WDR64: variants seen among roughly 807,000 people sequenced by gnomAD.
WDR64 encodes WD repeat domain 64.
Under a neutral mutation model 139.3 loss-of-function variants are expected in WDR64, and 112 were observed. The observed-to-expected ratio is 0.80, with a 90% CI of 0.69 to 0.94. The LOEUF is 0.94. Ranked by LOEUF, WDR64 falls within the 40% of genes least tolerant of loss-of-function variation. The pLI is 0.00. For synonymous variants in WDR64, 444 were observed against 437.7 expected, an observed-to-expected ratio of 1.01 and a Z score of -0.18; for missense variants, 1,206 against 1,293.1, an observed-to-expected ratio of 0.93 and a Z score of 1.03.
intron 9 of WDR64, among the ~76,000 whole-genome samples, chr1:241,722,811 G>A (rs946197331): frequency 2.6e-5 from 4 of 152,052 alleles, no homozygotes; most frequent in African/African-American, 7.2e-5. Context: ...AATTATATAT[G>A]CCTATGAATA....
Position 241,674,256 on chromosome 1 carries a change from C to CTTTTTTTTTTTTTT in WDR64, c.380-384_380-383insTTTTTTTTTTTTTT, listed in dbSNP as rs544401027. On this transcript the variant is annotated intron_variant, in intron 3 of 27. Coordinates refer to ENST00000437684, the MANE Select transcript of WDR64 (RefSeq NM_001367482.1). ...AAGCTGGCTGTTTATCTTTTTTTTT[C>CTTTTTTTTTTTTTT]TTTTCTTTTTTTTTTTTTTTGAGAC... Among the ~76,000 whole-genome samples, 32 of 121,340 alleles carry CTTTTTTTTTTTTTT rather than the reference C, an allele frequency of 2.6e-4. 4 individuals carry two copies. Among genetic ancestry groups the CTTTTTTTTTTTTTT allele is most frequent in the Non-Finnish European group, 2.7e-4 (16 of 58,908 alleles). The allele number at this position is 121,340 out of a possible 152,430, so 79.6% of individuals were successfully genotyped here.
chr1:241,724,876 G>A (rs74656568), intron 10 of WDR64, among the ~76,000 whole-genome samples: 9,763 of 152,022 alleles, frequency 0.064, 1,059 homozygotes, highest in African/African-American at 0.23. Flanking sequence ...ACCCTATAAA[G>A]TAATTCTCCC....
chr1:241,732,888 T>C (rs1442832462), intron 10 of WDR64, among the ~76,000 whole-genome samples: 1 of 151,662 alleles, frequency 6.6e-6, no homozygotes, highest in African/African-American at 2.4e-5. Context: ...ATTTGGACAA[T>C]AATAATTGGC....
At chr1:241,757,083 A>G (rs1558509990) in intron 14 of WDR64, among the ~76,000 whole-genome samples, 200 bp from the exon 15 acceptor site, 1 of 152,200 alleles carries the variant, frequency 6.6e-6, no homozygotes, top group African/African-American at 2.4e-5. Flanking sequence ...TTCATGACTA[A>G]CATCATATTC....
chr1:241,771,716 C>G lies in WDR64; in HGVS notation c.2290+19C>G. The G allele has an allele frequency of 3.5e-6, 5 of 1,432,012 alleles. No homozygotes were observed. The highest frequency in any genetic ancestry group is 1.5e-5 in the African/African-American group (1 of 68,900). 88.7% of individuals were successfully genotyped at this position (1,432,012 alleles called of 1,614,324 possible). ...GTTAAAGGTCAGTATGAAATCACCT[C>G]TCTTCTTTATAATAAAGCAACTCCT... is the stretch of plus-strand genomic sequence containing the variant. On this transcript the variant is annotated intron_variant, in intron 19 of 27. Transcript: ENST00000437684.
chr1:241,690,287 A>G (rs1167592457), intron 8 of WDR64, among the ~76,000 whole-genome samples: 1 of 152,132 alleles, frequency 6.6e-6, no homozygotes, highest in Non-Finnish European at 1.5e-5. Flanking sequence ...CCTGACCAAC[A>G]TGGTAAAACC....
rs1463596365 is a variant in WDR64 at position 241,710,447 on chromosome 1, A to G, written c.975-1355A>G. On this transcript the variant is annotated intron_variant, in intron 8 of 27. Transcript: ENST00000437684. ...TACCATTCACAGATACTAACACCCG[A>G]AACATACATATGAATATATGGTAGA... Among the ~76,000 whole-genome samples, 5 of 151,948 alleles carry G rather than the reference A, an allele frequency of 3.3e-5. No homozygotes were observed. The East Asian group carries it at 9.6e-4, about 29-fold the overall frequency.
At chr1:241,710,446 G>A (rs1668115018) in intron 8 of WDR64, among the ~76,000 whole-genome samples, 3 of 128,604 alleles carry the variant, frequency 2.3e-5, no homozygotes, top group African/African-American at 8.9e-5. Flanking sequence ...ACTAACACCC[G>A]AAACATACAT....
At chr1:241,683,769 T>C in intron 7 of WDR64, 68 bp downstream of exon 7, 1 of 1,242,788 alleles carries the variant, frequency 8.0e-7, no homozygotes, top group Admixed American at 2.9e-5. Flanking sequence ...AGCTTTATGG[T>C]ACAAAGTGAA....
intron 27 of WDR64, among the ~76,000 whole-genome samples, chr1:241,798,263 G>T (rs1659425043): frequency 6.6e-6 from 1 of 152,132 alleles, no homozygotes; most frequent in South Asian, 2.1e-4. Flanking sequence ...GTCTTCATTT[G>T]TTTATAGAAA....
intron 9 of WDR64, among the ~76,000 whole-genome samples, chr1:241,715,160 T>C (rs1574035614): frequency 6.6e-6 from 1 of 152,130 alleles, no homozygotes; most frequent in African/African-American, 2.4e-5. Context: ...ATGGCTTGGG[T>C]AGGGAGCAAG....
At chr1:241,722,041 GT>G (rs1668631957) in intron 9 of WDR64, among the ~76,000 whole-genome samples, 2 of 151,982 alleles carry the variant, frequency 1.3e-5, no homozygotes, top group African/African-American at 4.8e-5. Flanking sequence ...GTGTGTGTGT[GT>G]GTACATATGA....
At chr1:241,691,224 G>A (rs1200041630) in intron 8 of WDR64, among the ~76,000 whole-genome samples, 1 of 151,912 alleles carries the variant, frequency 6.6e-6, no homozygotes, top group Non-Finnish European at 1.5e-5. Flanking sequence ...AACACAAAAG[G>A]CAGAAAAAGA....
chr1:241,694,453 T>C (rs917101099), intron 8 of WDR64, among the ~76,000 whole-genome samples: 1 of 152,198 alleles, frequency 6.6e-6, no homozygotes, highest in African/African-American at 2.4e-5. Flanking sequence ...TTATATGGCA[T>C]AATTAATTGC....
chr1:241,779,230 G>A (rs567521392), intron 21 of WDR64, among the ~76,000 whole-genome samples: 8 of 152,084 alleles, frequency 5.3e-5, no homozygotes, highest in African/African-American at 1.7e-4. Flanking sequence ...GAAGTTTGAT[G>A]TCATTCTTAT....
At chr1:241,773,027 TATA>T in intron 20 of WDR64, 96 bp downstream of exon 20, 3 of 1,344,968 alleles carry the variant, frequency 2.2e-6, no homozygotes, top group Non-Finnish European at 2.9e-6. Context: ...GGCATCCAAT[TATA>T]ATATTTTTTC....
chr1:241,752,742 T>C (rs1268547971), intron 14 of WDR64, among the ~76,000 whole-genome samples: 4 of 152,096 alleles, frequency 2.6e-5, no homozygotes, highest in Non-Finnish European at 5.9e-5. Flanking sequence ...TCTCAGCTAC[T>C]TGGGGAGCTG....
At position 241,726,057 on chromosome 1, in the gene WDR64, T is replaced by C. The variant is rs530951894; in HGVS notation, c.1194+2621T>C. Among the ~76,000 whole-genome samples the C allele has an allele frequency of 1.7e-3, 258 of 151,884 alleles. 3 individuals are homozygous for C. Among genetic ancestry groups the C allele is most frequent in the Middle Eastern group, 0.01 (3 of 294 alleles). Reference sequence around the variant, plus strand: ...GTAGAGAGCTCTCTTTTTTTTTTTTTAGGTCTGTCTAATTTGCTAATTTTT... The same window carrying C: ...GTAGAGAGCTCTCTTTTTTTTTTTTCAGGTCTGTCTAATTTGCTAATTTTT... On this transcript the variant is annotated intron_variant, in intron 10 of 27. Coordinates refer to ENST00000437684, the MANE Select transcript of WDR64 (RefSeq NM_001367482.1).
Position 241,777,642 on chromosome 1 carries a change from T to TCCTGA in WDR64, c.2537-2358_2537-2354dup, listed in dbSNP as rs1658707245. Among the ~76,000 whole-genome samples, 4 of 152,018 alleles carry TCCTGA rather than the reference T, an allele frequency of 2.6e-5. No individual in the cohort carries two copies. In the South Asian group the frequency reaches 8.3e-4, roughly 32 times the overall value. The stretch of plus-strand genomic sequence containing the variant: ...CATGTTGGCCAGGCTGGTTTCGAAC[T>TCCTGA]CCTGACCTCAGGTGATCCACCCACC... On this transcript the variant is annotated intron_variant, in intron 21 of 27. Coordinates refer to ENST00000437684, the MANE Select transcript of WDR64 (RefSeq NM_001367482.1).
Sources: gnomAD v4.1 joint callset for allele counts (sites outside exome capture counted in the v4.1 genomes callset) on GRCh38, gnomAD v4.1.1 for gene constraint, MANE v1.5 for transcripts, NCBI Gene and HGNC (gene_info 2026-07-23, HGNC 2026-07-21) for gene names.